Variants in SAMD3 observed in about 807,000 individuals in gnomAD.
SAMD3 encodes sterile alpha motif domain containing 3, also known as sterile alpha motif domain-containing protein 3.
In SAMD3, 63 loss-of-function variants were observed where a neutral mutation model predicts 58.5. The observed-to-expected ratio is 1.08, with a 90% CI of 0.88 to 1.33. SAMD3 has a LOEUF of 1.33. Among genes scored for constraint, SAMD3 ranks in the 40% most tolerant of loss-of-function variants. The pLI is 0.00. For missense variants in SAMD3, 604 were observed against 608.4 expected (o/e 0.99, Z 0.08); for synonymous variants, 220 against 210.3 (o/e 1.05, Z -0.40).
chr6:130,156,114 G>A (rs1393039975), intron 8 of SAMD3, among the ~76,000 whole-genome samples: 2 of 151,990 alleles, frequency 1.3e-5, no homozygotes, highest in African/African-American at 4.8e-5. Context: ...CGAGTCAGGA[G>A]GATCACCTAA....
intron 2 of SAMD3, among the ~76,000 whole-genome samples, chr6:130,251,851 CTTGTGTAA>C (rs1388448258): frequency 6.6e-6 from 1 of 151,976 alleles, no homozygotes; most frequent in Non-Finnish European, 1.5e-5. Flanking sequence ...TTCTGGGTCT[CTTGTGTAA>C]TTGTTAAGAA....
At chr6:130,173,703 C>A (rs568933436) in intron 8 of SAMD3, among the ~76,000 whole-genome samples, 1 of 152,200 alleles carries the variant, frequency 6.6e-6, no homozygotes, top group African/African-American at 2.4e-5. Flanking sequence ...AGAGCTGGTG[C>A]GCTGTGCTGG....
At chr6:130,246,875 C>T (rs961972275) in intron 2 of SAMD3, among the ~76,000 whole-genome samples, 22 of 151,934 alleles carry the variant, frequency 1.4e-4, no homozygotes, top group African/African-American at 4.6e-4. Flanking sequence ...GGTAACAGAA[C>T]GAGACTGTCA....
At chr6:130,317,627 G>C (rs9492545) in intron 1 of SAMD3, among the ~76,000 whole-genome samples, 2,554 of 151,700 alleles carry the variant, frequency 0.017, 65 homozygotes, top group African/African-American at 0.059. Flanking sequence ...TAAGTAGAAT[G>C]GCTGTTCTAA....
chr6:130,283,237 G>T (rs2114953152), intron 2 of SAMD3, among the ~76,000 whole-genome samples: 1 of 152,310 alleles, frequency 6.6e-6, no homozygotes, highest in East Asian at 1.9e-4. Context: ...TAGAAAACAG[G>T]TAGGAGAAAT....
chr6:130,159,352 A>C (rs1357056463), intron 8 of SAMD3, among the ~76,000 whole-genome samples: 1 of 152,220 alleles, frequency 6.6e-6, no homozygotes, highest in Non-Finnish European at 1.5e-5. Flanking sequence ...CTGTAAGTTC[A>C]ATAAGCCTCT....
chr6:130,262,255 C>G (rs181832398), intron 2 of SAMD3, among the ~76,000 whole-genome samples: 108 of 151,928 alleles, frequency 7.1e-4, no homozygotes, highest in African/African-American at 2.3e-3. Flanking sequence ...CTGTGGATGG[C>G]CCAAATGCAT....
intron 2 of SAMD3, among the ~76,000 whole-genome samples, chr6:130,265,898 C>T (rs1227428667): frequency 2.0e-5 from 3 of 152,044 alleles, no homozygotes; most frequent in Non-Finnish European, 2.9e-5. Flanking sequence ...AAAATAAGTA[C>T]GTTTATCATA....
intron 1 of SAMD3, among the ~76,000 whole-genome samples, chr6:130,344,825 CAAAAAAAAAAAAA>C (rs56795907): frequency 7.3e-5 from 3 of 41,110 alleles, no homozygotes; most frequent in Non-Finnish European, 1.2e-4. Context: ...ACAACAACAG[CAAAAAAAAAAAAA>C]AAAAAAAAAA....
chr6:130,260,161 C>T (rs1215648269), intron 2 of SAMD3, among the ~76,000 whole-genome samples: 1 of 152,086 alleles, frequency 6.6e-6, no homozygotes, highest in Non-Finnish European at 1.5e-5. Context: ...TTGTTTTATA[C>T]TCAGAAAAGG....
chr6:130,305,107 T>C (rs2114979828), intron 2 of SAMD3, among the ~76,000 whole-genome samples: 1 of 152,138 alleles, frequency 6.6e-6, no homozygotes, highest in East Asian at 1.9e-4. Flanking sequence ...GCTAACTTTC[T>C]GTATTTTTAG....
chr6:130,177,897 C>T (rs1312739754), intron 7 of SAMD3, among the ~76,000 whole-genome samples: 1 of 152,086 alleles, frequency 6.6e-6, no homozygotes, highest in East Asian at 1.9e-4. Context: ...CAGGTGTCAG[C>T]ATGACAGACC....
At chr6:130,173,818 C>T (rs1461342394) in intron 8 of SAMD3, among the ~76,000 whole-genome samples, 1 of 152,248 alleles carries the variant, frequency 6.6e-6, no homozygotes, top group Non-Finnish European at 1.5e-5. Flanking sequence ...CCCAGGCACT[C>T]TGTCCCATGG....
intron 1 of SAMD3, among the ~76,000 whole-genome samples, chr6:130,362,945 A>G (rs1189885397): frequency 6.6e-6 from 1 of 152,168 alleles, no homozygotes; most frequent in Non-Finnish European, 1.5e-5. Flanking sequence ...TGACCTTAAA[A>G]TTTTATTTTT....
chr6:130,343,908 T>A lies in SAMD3; in HGVS notation c.-304+21212A>T, dbSNP rs774023013. On this transcript the variant is annotated intron_variant, in intron 1 of 13. Transcript: ENST00000368134. ...TGAACCGGGGAGGTGGAAGTTACAG[T>A]GAACCGAGGTCGCACCACTGTAATC... 2.7e-4 allele frequency among the ~76,000 whole-genome samples: 41 copies of A among 151,704 alleles called. No individual in the cohort carries two copies. The Middle Eastern group carries it at 0.024, about 88-fold the overall frequency.
intron 5 of SAMD3, among the ~76,000 whole-genome samples, chr6:130,187,910 C>A (rs1264258128): frequency 6.6e-6 from 1 of 152,176 alleles, no homozygotes; most frequent in Non-Finnish European, 1.5e-5. Context: ...AACTAGGAAG[C>A]TTTTAAAACA....
At chr6:130,181,711 G>C (rs9483091) in intron 7 of SAMD3, among the ~76,000 whole-genome samples, 7,872 of 152,176 alleles carry the variant, frequency 0.052, 248 homozygotes, top group African/African-American at 0.072. Context: ...TAATAGTATT[G>C]GTTACTTATG....
At chr6:130,232,514 C>T (rs17058558) in intron 2 of SAMD3, among the ~76,000 whole-genome samples, 21,692 of 152,100 alleles carry the variant, frequency 0.14, 1,767 homozygotes, top group East Asian at 0.36. Context: ...CTACTCATTC[C>T]AAAAATATAT....
At chr6:130,221,235 CAAT>C (rs1305177257) in intron 1 of SAMD3, among the ~76,000 whole-genome samples, 1 of 151,932 alleles carries the variant, frequency 6.6e-6, no homozygotes, top group African/African-American at 2.4e-5. Flanking sequence ...AACACCTACA[CAAT>C]AAATTCCTCA....
Sources: allele counts gnomAD v4.1 joint callset (sites outside exome capture counted in the v4.1 genomes callset), GRCh38; gene constraint gnomAD v4.1.1; transcripts MANE v1.5; gene names NCBI Gene and HGNC (gene_info 2026-07-23, HGNC 2026-07-21).